NEK1: variants seen among roughly 807,000 people sequenced by gnomAD.
The protein encoded by NEK1 is serine/threonine-protein kinase Nek1.
A neutral mutation model predicts 182.1 loss-of-function variants in NEK1; 137 were observed. The ratio of observed to expected loss-of-function variants is 0.75; its 90% confidence interval spans 0.65 to 0.87. The LOEUF is 0.87. Among genes scored for constraint, NEK1 ranks in the 40% least tolerant of loss-of-function variants. The pLI, the probability that NEK1 is intolerant of heterozygous loss-of-function variation, is 0.00. For synonymous variants in NEK1, 513 were observed against 492.2 expected (o/e 1.04, Z -0.56); for missense variants, 1,391 against 1,494.4 (o/e 0.93, Z 1.14).
intron 19 of NEK1, among the ~76,000 whole-genome samples, chr4:169,536,791 C>T (rs183036498): frequency 6.6e-6 from 1 of 152,134 alleles, no homozygotes; most frequent in African/African-American, 2.4e-5. Context: ...ACCAAAATTC[C>T]AGCTGCTATT....
rs150605350 is a variant in NEK1, at chr4:169,408,838, C to T, written c.3223-2091G>A. ...TATGGCTGAGTAGTCTTCCAAGGTA[C>T]GTATATTCCACGTTTTCTTTATTCA... On this transcript the variant is annotated intron_variant, in intron 31 of 35. Transcript: ENST00000507142. Among the ~76,000 whole-genome samples the T allele has an allele frequency of 2.1e-4, 32 of 152,288 alleles. 1 individual carries two copies. In the East Asian group the frequency reaches 5.4e-3, roughly 26 times the overall value.
chr4:169,558,505 T>A (rs1356736869), intron 16 of NEK1, among the ~76,000 whole-genome samples: 2 of 152,218 alleles, frequency 1.3e-5, no homozygotes, highest in Admixed American at 1.3e-4. Context: ...TCCCATTATG[T>A]CATGTAAATA....
chr4:169,407,768 G>A (rs921300162), intron 31 of NEK1, among the ~76,000 whole-genome samples: 1 of 152,162 alleles, frequency 6.6e-6, no homozygotes, highest in Non-Finnish European at 1.5e-5. Flanking sequence ...TCACCAGATG[G>A]GAGCCTGTGA....
intron 23 of NEK1, among the ~76,000 whole-genome samples, chr4:169,494,073 C>T (rs887722127): frequency 1.1e-4 from 17 of 151,780 alleles, no homozygotes; most frequent in Admixed American, 3.9e-4. Context: ...TAAAGGGAAT[C>T]CCATCAGACT....
At chr4:169,552,117 A>G (rs1237462943) in intron 18 of NEK1, among the ~76,000 whole-genome samples, 2 of 152,154 alleles carry the variant, frequency 1.3e-5, no homozygotes, top group Non-Finnish European at 2.9e-5. Flanking sequence ...CAGTGAAAAG[A>G]TTACAGTGTG....
At chr4:169,514,946 T>C (rs1408580780) in intron 19 of NEK1, among the ~76,000 whole-genome samples, 1 of 152,146 alleles carries the variant, frequency 6.6e-6, no homozygotes, top group Admixed American at 6.6e-5. Context: ...ATTTGAGACA[T>C]TTCTTCTACT....
chr4:169,507,157 A>C (rs751005937), intron 22 of NEK1, 25 bp from the exon 23 acceptor site: 2 of 1,382,758 alleles, frequency 1.4e-6, no homozygotes, highest in South Asian at 1.3e-5. Flanking sequence ...AATTAACAAA[A>C]TGAGTTACCA....
At chr4:169,607,756 C>T (rs1771622702) in intron 2 of NEK1, among the ~76,000 whole-genome samples, 1 of 152,056 alleles carries the variant, frequency 6.6e-6, no homozygotes, top group Non-Finnish European at 1.5e-5. Flanking sequence ...AGCCACCGCG[C>T]CTGGCCTCAA....
intron 8 of NEK1, among the ~76,000 whole-genome samples, 190 bp downstream of exon 8, chr4:169,588,459 G>A (rs1436491009): frequency 6.6e-6 from 1 of 152,060 alleles, no homozygotes; most frequent in African/African-American, 2.4e-5. Flanking sequence ...TCTTTCTGCT[G>A]TTCTTCCAGT....
intron 31 of NEK1, among the ~76,000 whole-genome samples, chr4:169,419,386 T>A (rs1385132726): frequency 6.6e-6 from 1 of 151,494 alleles, no homozygotes; most frequent in African/African-American, 2.4e-5. Context: ...TTAATGGAAG[T>A]TCTTAAAGTG....
At chr4:169,556,176 A>T in intron 16 of NEK1, 81 bp from the exon 17 acceptor site, 2 of 1,264,334 alleles carry the variant, frequency 1.6e-6, no homozygotes, top group South Asian at 1.6e-5. Flanking sequence ...GAAAAAGTAA[A>T]TTTCAATGCT....
At chr4:169,500,855 G>C (rs545085784) in intron 23 of NEK1, among the ~76,000 whole-genome samples, 1 of 152,146 alleles carries the variant, frequency 6.6e-6, no homozygotes, top group Non-Finnish European at 1.5e-5. Flanking sequence ...CTATACAATT[G>C]AGACTACAAA....
chr4:169,487,360 G>C (rs2149590777), intron 23 of NEK1, among the ~76,000 whole-genome samples: 1 of 152,262 alleles, frequency 6.6e-6, no homozygotes, highest in East Asian at 1.9e-4. Flanking sequence ...TCCCACCAAT[G>C]TGTTCATGTA....
intron 17 of NEK1, 38 bp from the exon 18 acceptor site, chr4:169,555,889 T>A (rs772078930): frequency 3.1e-6 from 5 of 1,613,402 alleles, no homozygotes; most frequent in Non-Finnish European, 4.2e-6. Flanking sequence ...CATTACTATC[T>A]CAGAAGCAAA....
chr4:169,561,225 C>T (rs889779462), intron 16 of NEK1, among the ~76,000 whole-genome samples: 4 of 152,102 alleles, frequency 2.6e-5, no homozygotes, highest in African/African-American at 7.2e-5. Flanking sequence ...AAATTCCTGA[C>T]AGGAATAATG....
chr4:169,496,142 G>A (rs1015585709), intron 23 of NEK1, among the ~76,000 whole-genome samples: 2 of 152,116 alleles, frequency 1.3e-5, no homozygotes, highest in African/African-American at 4.8e-5. Context: ...TGGATTGCTA[G>A]GTATTTTATA....
At chr4:169,585,164 G>A (rs1767326257) in intron 10 of NEK1, among the ~76,000 whole-genome samples, 185 bp downstream of exon 10, 1 of 152,120 alleles carries the variant, frequency 6.6e-6, no homozygotes, top group Non-Finnish European at 1.5e-5. Context: ...ACTCCAGCCT[G>A]CACAACAGAG....
chr4:169,413,875 G>C (rs532475307), intron 31 of NEK1, among the ~76,000 whole-genome samples: 3 of 152,256 alleles, frequency 2.0e-5, no homozygotes, highest in Admixed American at 6.5e-5. Flanking sequence ...AAATTAGCTG[G>C]GCATGGTGGT....
intron 35 of NEK1, among the ~76,000 whole-genome samples, chr4:169,399,648 G>A (rs144303105): frequency 0.015 from 2,336 of 152,138 alleles, 29 homozygotes; most frequent in Middle Eastern, 0.041. Context: ...TTGAGACAGG[G>A]TCTGGCTTTG....
Sources: gnomAD v4.1 joint callset for allele counts (sites outside exome capture counted in the v4.1 genomes callset) on GRCh38, gnomAD v4.1.1 for gene constraint, MANE v1.5 for transcripts, NCBI Gene and HGNC (gene_info 2026-07-23, HGNC 2026-07-21) for gene names.